CNTN1: variants seen among roughly 807,000 people sequenced by gnomAD.
The protein encoded by CNTN1 is contactin 1.
A neutral mutation model predicts 126.4 loss-of-function variants in CNTN1; 38 were observed. That is an observed-to-expected ratio of 0.30 (90% confidence interval 0.23 to 0.39). The LOEUF (loss-of-function observed/expected upper bound fraction) is 0.39, where lower values mean the gene tolerates loss of function less well. Among genes scored for constraint, CNTN1 ranks in the 10% least tolerant of loss-of-function variants. CNTN1 has a pLI of 1.00. For synonymous variants in CNTN1, 413 were observed against 422.6 expected (o/e 0.98, Z 0.28); for missense variants, 1,009 against 1,248.4 (o/e 0.81, Z 2.89).
intron 1 of CNTN1, among the ~76,000 whole-genome samples, chr12:40,765,669 T>A (rs1939056248): frequency 6.6e-6 from 1 of 152,216 alleles, no homozygotes; most frequent in Admixed American, 6.5e-5. Flanking sequence ...TGACTATTGA[T>A]TTTGACAATC....
chr12:40,924,795 T>C (rs566391368), intron 6 of CNTN1, 143 bp downstream of exon 6: 1 of 619,136 alleles, frequency 1.6e-6, no homozygotes. Context: ...CCTTGTAATG[T>C]GTCACTAATT....
At chr12:41,034,238 G>A (rs563288874) in intron 23 of CNTN1, among the ~76,000 whole-genome samples, 1 of 152,054 alleles carries the variant, frequency 6.6e-6, no homozygotes, top group Non-Finnish European at 1.5e-5. Context: ...TACCACTGAT[G>A]ATGTAATCTG....
chr12:40,827,450 C>T (rs367741868), intron 1 of CNTN1, among the ~76,000 whole-genome samples: 23 of 152,220 alleles, frequency 1.5e-4, no homozygotes, highest in Middle Eastern at 3.4e-3. Context: ...TTTATAGCCA[C>T]ATATTTTCTC....
At chr12:40,693,875 A>G (rs1941374603) in intron 1 of CNTN1, among the ~76,000 whole-genome samples, 1 of 151,946 alleles carries the variant, frequency 6.6e-6, no homozygotes, top group Non-Finnish European at 1.5e-5. Context: ...TGTTTTTGTA[A>G]CTCACGTAAA....
intron 1 of CNTN1, among the ~76,000 whole-genome samples, chr12:40,865,425 G>C (rs74630235): frequency 6.6e-6 from 1 of 151,982 alleles, no homozygotes; most frequent in Non-Finnish European, 1.5e-5. Context: ...GGCCTAACTC[G>C]TGGTCAAAGA....
At chr12:40,735,037 C>T (rs1041646804) in intron 1 of CNTN1, among the ~76,000 whole-genome samples, 8 of 152,026 alleles carry the variant, frequency 5.3e-5, no homozygotes, top group Non-Finnish European at 8.8e-5. Context: ...GATTATACTG[C>T]AAAGAAGGGT....
chr12:40,895,490 C>T (rs1265717890), intron 1 of CNTN1, among the ~76,000 whole-genome samples: 1 of 152,142 alleles, frequency 6.6e-6, no homozygotes, highest in African/African-American at 2.4e-5. Flanking sequence ...AGCAGCAACA[C>T]AGGGCGTCAT....
At chr12:41,007,208 C>T (rs561574289) in intron 17 of CNTN1, among the ~76,000 whole-genome samples, 11 of 151,170 alleles carry the variant, frequency 7.3e-5, no homozygotes, top group East Asian at 3.9e-4. Context: ...TACAGGCGCC[C>T]GCCACTACGC....
chr12:40,834,621 A>G (rs1941978775), intron 1 of CNTN1, among the ~76,000 whole-genome samples: 1 of 152,216 alleles, frequency 6.6e-6, no homozygotes, highest in Non-Finnish European at 1.5e-5. Context: ...TAGGCAGCCA[A>G]TAAGTGAATT....
At chr12:40,782,444 T>C (rs751778620) in intron 1 of CNTN1, among the ~76,000 whole-genome samples, 2 of 151,962 alleles carry the variant, frequency 1.3e-5, no homozygotes, top group Non-Finnish European at 2.9e-5. Flanking sequence ...TGATCTTCTA[T>C]AGAACAAATT....
At chr12:40,901,324 A>C (rs10879340) in intron 1 of CNTN1, among the ~76,000 whole-genome samples, 65,302 of 151,742 alleles carry the variant, frequency 0.43, 14,772 homozygotes, top group African/African-American at 0.58. Flanking sequence ...GCATATTTTT[A>C]ATAACGCTAA....
intron 1 of CNTN1, among the ~76,000 whole-genome samples, chr12:40,841,669 A>G (rs1353358772): frequency 7.5e-6 from 1 of 132,768 alleles, no homozygotes; most frequent in Non-Finnish European, 1.6e-5. Flanking sequence ...GGAATTGGGG[A>G]CAAAAACCAT....
intron 5 of CNTN1, among the ~76,000 whole-genome samples, chr12:40,922,827 T>G (rs1945495692): frequency 6.6e-6 from 1 of 151,826 alleles, no homozygotes; most frequent in African/African-American, 2.4e-5. Flanking sequence ...AAAAATTAGC[T>G]GGGCGTTGTG....
intron 16 of CNTN1, among the ~76,000 whole-genome samples, chr12:40,991,828 A>G (rs1566101996): frequency 2.0e-5 from 3 of 151,884 alleles, no homozygotes; most frequent in Non-Finnish European, 2.9e-5. Context: ...ACTCCGTCTC[A>G]AAACAAACAA....
At chr12:40,873,789 T>G (rs1943583069) in intron 1 of CNTN1, among the ~76,000 whole-genome samples, 1 of 152,116 alleles carries the variant, frequency 6.6e-6, no homozygotes, top group Non-Finnish European at 1.5e-5. Flanking sequence ...CATTTTTTTT[T>G]GTCAGTTTAT....
intron 11 of CNTN1, 48 bp downstream of exon 11, chr12:40,937,735 C>T (rs755608652): frequency 4.8e-6 from 5 of 1,043,650 alleles, no homozygotes; most frequent in Non-Finnish European, 7.6e-6. Flanking sequence ...AGCAATATGT[C>T]ATATCACACA....
intron 14 of CNTN1, among the ~76,000 whole-genome samples, chr12:40,950,927 A>C (rs1592309873): frequency 2.0e-5 from 3 of 151,908 alleles, no homozygotes; most frequent in South Asian, 4.1e-4. Flanking sequence ...GCATATATAT[A>C]TATAAGAATG....
At chr12:40,723,684 A>G (rs536788226) in intron 1 of CNTN1, among the ~76,000 whole-genome samples, 1 of 152,346 alleles carries the variant, frequency 6.6e-6, no homozygotes, top group South Asian at 2.1e-4. Context: ...ATTGTACCAC[A>G]GTAAGCAATA....
At chr12:41,046,605 T>C (rs1949544609) in intron 23 of CNTN1, among the ~76,000 whole-genome samples, 1 of 152,116 alleles carries the variant, frequency 6.6e-6, no homozygotes, top group Admixed American at 6.6e-5. Flanking sequence ...AGCATTATTC[T>C]CAGTATTTTC....
Sources: gnomAD v4.1 joint callset for allele counts (sites outside exome capture counted in the v4.1 genomes callset) on GRCh38, gnomAD v4.1.1 for gene constraint, MANE v1.5 for transcripts, NCBI Gene and HGNC (gene_info 2026-07-23, HGNC 2026-07-21) for gene names.